The following SDF4 variants were observed in gnomAD, a reference collection of about 807,000 sequenced individuals.
The protein encoded by SDF4 is stromal cell derived factor 4.
SDF4 carries 22 observed loss-of-function variants against 34.2 expected under a neutral mutation model. That is an observed-to-expected ratio of 0.64 (90% confidence interval 0.46 to 0.92). SDF4 has a LOEUF of 0.92. SDF4 is among the 40% of genes least tolerant of loss of function. The pLI is 0.00. For missense variants in SDF4, 447 were observed against 499.9 expected (o/e 0.89, Z 1.01); for synonymous variants, 236 against 203.1 (o/e 1.16, Z -1.38).
rs199905700 is a variant in SDF4, at chr1:1,217,750, G to C, written c.892-62C>G. 6.2e-7 allele frequency: 1 copy of C among 1,606,998 alleles called. No individual in the cohort carries two copies. Among genetic ancestry groups the C allele is most frequent in the Non-Finnish European group, 8.5e-7 (1 of 1,177,548 alleles). On this transcript the variant is annotated intron_variant, in intron 6 of 6. Coordinates refer to ENST00000360001, the MANE Select transcript of SDF4 (RefSeq NM_016176.6). The surrounding 1 kb of genome is among the most constrained non-coding windows in gnomAD (Gnocchi z 8.5). ...CCCCCTCCGAGCTCCGCGGCCAGCC[G>C]CACGAAGTGGCTATTTAAGGTGCCT...
At chr1:1,227,395 C>T (rs1263565156) in intron 2 of SDF4, 2 of 132,946 alleles carry the variant, frequency 1.5e-5, no homozygotes, top group African/African-American at 6.0e-5. Context: ...AAGGCGAGCT[C>T]GTGGCCAGGC....
intron 4 of SDF4, among the ~76,000 whole-genome samples, chr1:1,222,432 C>T (rs985674770): frequency 4.1e-5 from 6 of 147,316 alleles, no homozygotes; most frequent in Non-Finnish European, 7.5e-5. Context: ...CCGCCCAGGG[C>T]TGAGGCTGCC....
At chr1:1,226,260 C>T (rs1249381705) in intron 2 of SDF4, among the ~76,000 whole-genome samples, 1 of 152,112 alleles carries the variant, frequency 6.6e-6, no homozygotes, top group Non-Finnish European at 1.5e-5. Context: ...TGCAGGGAAG[C>T]GGGAAGGAAG....
chr1:1,224,490 G>A (rs577436275), intron 2 of SDF4, among the ~76,000 whole-genome samples: 41 of 152,290 alleles, frequency 2.7e-4, no homozygotes, highest in African/African-American at 9.9e-4. Flanking sequence ...ATGTTGGGCA[G>A]GCTAGTCTCA....
Position 1,228,456 on chromosome 1 carries a change from G to A in SDF4, c.305+12C>T. The A allele has an allele frequency of 6.3e-7, 1 of 1,591,578 alleles. No homozygotes were observed. Among genetic ancestry groups the A allele is most frequent in the Non-Finnish European group, 8.6e-7 (1 of 1,167,474 alleles). Reference sequence around the variant, plus strand: ...GGACAGCCCCCCAGTCTGGGCACATGGCGGCACCTACTTGGAAAAGATGAC... The same window carrying A: ...GGACAGCCCCCCAGTCTGGGCACATAGCGGCACCTACTTGGAAAAGATGAC... On this transcript the variant is annotated intron_variant, in intron 2 of 6. Coordinates refer to ENST00000360001, the MANE Select transcript of SDF4 (RefSeq NM_016176.6).
chr1:1,220,918 G>T (rs2100971868), intron 4 of SDF4: 1 of 413,242 alleles, frequency 2.4e-6, no homozygotes, highest in South Asian at 1.9e-5. Context: ...CGAACCGTGT[G>T]TGGGGAGGAA....
At chr1:1,222,686 C>T (rs369013585) in intron 4 of SDF4, among the ~76,000 whole-genome samples, 2 of 152,392 alleles carry the variant, frequency 1.3e-5, no homozygotes, top group Admixed American at 6.5e-5. Flanking sequence ...AACTGAGTAA[C>T]GGCCGTGAAG....
chr1:1,228,284 CT>C, intron 2 of SDF4, among the ~76,000 whole-genome samples, 183 bp downstream of exon 2: 1 of 152,244 alleles, frequency 6.6e-6, no homozygotes, highest in East Asian at 1.9e-4. Context: ...CGGCTCTGGG[CT>C]GCCAGCGCAG....
intron 1 of SDF4, among the ~76,000 whole-genome samples, chr1:1,230,500 G>T (rs371474367): frequency 6.6e-6 from 1 of 150,600 alleles, no homozygotes; most frequent in Non-Finnish European, 1.5e-5. Context: ...TCACTCTGTC[G>T]CCCAGGCTGG....
At chr1:1,229,801 C>CG (rs1286300484) in intron 1 of SDF4, among the ~76,000 whole-genome samples, 1 of 152,226 alleles carries the variant, frequency 6.6e-6, no homozygotes. Flanking sequence ...CCCCTCTCCC[C>CG]CCGACTGACC....
chr1:1,220,651 A>G, intron 4 of SDF4: 3 of 1,289,200 alleles, frequency 2.3e-6, no homozygotes, highest in Middle Eastern at 2.1e-4. Flanking sequence ...TGAATTCTAA[A>G]CACACCTCTG....
In SDF4 at chr1:1,228,620, G is replaced by A. The variant is rs748588541; in HGVS notation, c.153C>T (p.Pro51=). 6.2e-7 allele frequency: 1 copy of A among 1,613,280 alleles called. No individual in the cohort carries two copies. Residue 51 remains proline (P), a synonymous_variant, in exon 2 of 7, where the codon CCC becomes CCT. Coordinates refer to ENST00000360001, the MANE Select transcript of SDF4 (RefSeq NM_016176.6). The stretch of plus-strand genomic sequence containing the variant: ...GCTTCACCCCGTTCAGGTGGTCTGG[G>A]GGCAGGATCTCATTCTCCTCCCTGT... ...VANREENEIL[P]PDHLNGVKLE... is the part of the protein sequence containing the mutation.
In SDF4 at chr1:1,223,996, C is replaced by T. The variant is rs367862675; in HGVS notation, c.306-28G>A. The T allele has an allele frequency of 1.9e-5, 30 of 1,606,176 alleles. No individual in the cohort carries two copies. The African/African-American group carries it at 2.5e-4, about 14-fold the overall frequency. ...GCAAGACAGCAAATGGGCAGGTGGC[C>T]GTCAGACTGGGCCCCCAGGACCCCG... is the stretch of plus-strand genomic sequence containing the variant. On this transcript the variant is annotated intron_variant, in intron 2 of 6. Transcript: ENST00000360001.
Position 1,218,563 on chromosome 1 carries a change from C to G in SDF4, c.786G>C (p.Gln262His). Residue 262 changes from glutamine to histidine, a missense_variant, in exon 6 of 7, where the codon CAG becomes CAC. Transcript: ENST00000360001. This position sits in a 1 kb window ranked among gnomAD's most constrained non-coding sequence, Gnocchi z 7.9. ...AGTTGTCGTCAATGTCCTGGCCCTG[C>G]TGGTTCTCCACGGTGCCCACGGGCA... The part of the protein sequence containing the change: ...ISLPVGTVEN[Q>H]QGQDIDDNWV... 6.2e-7 allele frequency: 1 copy of G among 1,614,106 alleles called. No individual in the cohort carries two copies. The highest frequency in any genetic ancestry group is 8.5e-7 in the Non-Finnish European group (1 of 1,179,958).
chr1:1,220,378 G>A (rs551816692), intron 4 of SDF4: 224 of 1,141,576 alleles, frequency 2.0e-4, no homozygotes, highest in Non-Finnish European at 2.2e-4. Context: ...TCTGAGGCGC[G>A]AGGACAGCAG....
intron 2 of SDF4, among the ~76,000 whole-genome samples, chr1:1,224,436 C>T (rs1261016550): frequency 6.6e-6 from 1 of 152,260 alleles, no homozygotes. Context: ...TGCACCACCA[C>T]GCCTGGCTAA....
rs987612143 is a variant in SDF4 at position 1,217,231 on chromosome 1, C to T, written c.*281G>A. 4.1e-5 allele frequency: 7 copies of T among 172,244 alleles called. No homozygotes were observed. Among genetic ancestry groups the T allele is most frequent in the South Asian group, 2.0e-4 (1 of 5,008 alleles). The allele number at this position is 172,244 out of a possible 1,614,324, so 10.7% of individuals were successfully genotyped here. On this transcript the variant is annotated 3_prime_UTR_variant, in exon 7 of 7. Transcript: ENST00000360001. This position sits in a 1 kb window ranked among gnomAD's most constrained non-coding sequence, Gnocchi z 8.5. ...CGGCAGAGTGACTGAAGCGAGATTT[C>T]GTTCTCAGAAGTGAGATGCCACGAT...
At position 1,217,574 on chromosome 1, in the gene SDF4, T is replaced by G. The variant is rs1649593916; in HGVS notation, c.1006A>C (p.Ser336Arg). The G allele has an allele frequency of 1.2e-6, 2 of 1,613,566 alleles. No homozygotes were observed. The highest frequency in any genetic ancestry group is 8.5e-7 in the Non-Finnish European group (1 of 1,179,910). Reference protein sequence around the residue: ...HLEPEEVLKYSEFFTGSKLVD... With the variant: ...HLEPEEVLKYREFFTGSKLVD... ...AGCTTGCTGCCCGTGAAGAACTCGC[T>G]GTACTTGAGCACCTCCTCGGGCTCC... is the stretch of plus-strand genomic sequence containing the variant. The change falls in exon 7 of 7, where the codon AGC becomes CGC. Residue 336 changes from serine (S) to arginine (R), a missense_variant. Transcript: ENST00000360001. The surrounding 1 kb of genome is among the most constrained non-coding windows in gnomAD (Gnocchi z 8.5).
chr1:1,226,978 A>G lies in SDF4; in HGVS notation c.305+1490T>C, dbSNP rs529403308. The stretch of plus-strand genomic sequence containing the variant: ...TCGTGGGTTGGTCAGCTCACCACCA[A>G]GTGAACTCAGGCCACGCAAGGACCC... On this transcript the variant is annotated intron_variant, in intron 2 of 6. Transcript: ENST00000360001. 7.9e-4 allele frequency among the ~76,000 whole-genome samples: 121 copies of G among 152,290 alleles called. 1 individual carries two copies. Among genetic ancestry groups the G allele is most frequent in the South Asian group, 4.6e-3 (22 of 4,828 alleles).
Sources: allele counts gnomAD v4.1 joint callset (sites outside exome capture counted in the v4.1 genomes callset), GRCh38; gene constraint gnomAD v4.1.1; non-coding constraint Gnocchi (gnomAD v3.1); transcripts MANE v1.5; gene names NCBI Gene and HGNC (gene_info 2026-07-23, HGNC 2026-07-21).